The following CCDC137 variants were observed in gnomAD, a reference collection of about 807,000 sequenced individuals.
CCDC137 encodes coiled-coil domain-containing protein 137.
A neutral mutation model predicts 30.4 loss-of-function variants in CCDC137; 24 were observed. The ratio of observed to expected loss-of-function variants is 0.79; its 90% CI spans 0.57 to 1.11. CCDC137 has a LOEUF of 1.11. Among genes scored for constraint, CCDC137 ranks in the 50% least tolerant of loss-of-function variants. The probability of loss-of-function intolerance (pLI) is 0.00; values close to 1 mark genes in which losing one functional copy is unlikely to be tolerated. For missense variants in CCDC137, 417 were observed against 380.4 expected (o/e 1.10, Z -0.80); for synonymous variants, 182 against 155.7 (o/e 1.17, Z -1.26).
chr17:81,673,047 AGT>A lies in CCDC137; in HGVS notation c.*349_*350del. On this transcript the variant is annotated 3_prime_UTR_variant, in exon 6 of 6. Transcript: ENST00000329214. Reference sequence around the variant, plus strand: ...CCGAGACAGCTGATGAGGCTGGCTCAGTGTGTGACGGAGGCCCCCGGGAGTCA... The same window carrying A: ...CCGAGACAGCTGATGAGGCTGGCTCAGTGTGACGGAGGCCCCCGGGAGTCA... The A allele has an allele frequency of 2.8e-6, 1 of 355,288 alleles. No homozygotes were observed. Among genetic ancestry groups the A allele is most frequent in the South Asian group, 3.3e-5 (1 of 30,098 alleles). 22.0% of individuals were successfully genotyped at this position (355,288 alleles called of 1,614,324 possible).
rs779876133 is a variant in CCDC137, at chr17:81,666,752, C to T, written c.-15C>T. On this transcript the variant is annotated 5_prime_UTR_variant, in exon 1 of 6. Transcript: ENST00000329214. Reference sequence around the variant, plus strand: ...AGGCGGAAGTGGCTTCGCTAGGGAGCCTCCCGGCGTGGAGATGGCGGGAGC... The same window carrying T: ...AGGCGGAAGTGGCTTCGCTAGGGAGTCTCCCGGCGTGGAGATGGCGGGAGC... The T allele has an allele frequency of 6.9e-6, 10 of 1,454,092 alleles. No homozygotes were observed. Among genetic ancestry groups the T allele is most frequent in the Admixed American group, 2.6e-5 (1 of 38,258 alleles). The allele number at this position is 1,454,092 out of a possible 1,614,324, so 90.1% of individuals were successfully genotyped here.
At position 81,672,588 on chromosome 17, in the gene CCDC137, G is replaced by A. The variant is rs917355697; in HGVS notation, c.754G>A (p.Glu252Lys). ...TASLARQRIVEEERERAVQAY... is the reference protein window; with the variant it reads ...TASLARQRIVKEERERAVQAY... ...CTCCCTGGCCCGCCAGCGGATTGTG[G>A]AGGAGGAGAGAGAGCGGGCCGTGCA... The change falls in exon 6 of 6, where the codon GAG (glutamate) becomes AAG (lysine). Residue 252 changes from glutamate (E) to lysine (K), a missense_variant. By Grantham distance (56) the Glu-to-Lys change is moderately conservative. Transcript: ENST00000329214. The A allele has an allele frequency of 2.5e-6, 4 of 1,573,156 alleles. No homozygotes were observed. The highest frequency in any genetic ancestry group is 3.4e-6 in the Non-Finnish European group (4 of 1,165,594).
rs887267438 is a variant in CCDC137, at chr17:81,673,470, G to C, written c.*766G>C. On this transcript the variant is annotated 3_prime_UTR_variant, in exon 6 of 6. Transcript: ENST00000329214. The stretch of plus-strand genomic sequence containing the variant: ...CTGAGAGAGCCGGGAGGCCCAAAGT[G>C]GCTGGAAGAAGGTAAAGGAAAAATC... The C allele has an allele frequency of 2.6e-5, 4 of 152,244 alleles. No individual in the cohort carries two copies. In the East Asian group the frequency reaches 7.7e-4, roughly 29 times the overall value. 9.4% of individuals were successfully genotyped at this position (152,244 alleles called of 1,614,324 possible).
intron 5 of CCDC137, 124 bp downstream of exon 5, chr17:81,672,279 C>T (rs2036728377): frequency 3.7e-6 from 4 of 1,069,534 alleles, no homozygotes; most frequent in East Asian, 2.6e-5. Flanking sequence ...CCAAGGCAGG[C>T]GGATTGCTTG....
chr17:81,669,338 G>C (rs2036690148), intron 2 of CCDC137, among the ~76,000 whole-genome samples: 1 of 150,696 alleles, frequency 6.6e-6, no homozygotes, highest in Non-Finnish European at 1.5e-5. Context: ...TAAAGGCTGG[G>C]TTTTGCCATG....
rs1255500680 is a variant in CCDC137 at position 81,672,656 on chromosome 17, G to C, written c.822G>C (p.Gly274=). 2.5e-6 allele frequency: 4 copies of C among 1,601,460 alleles called. No individual in the cohort carries two copies. The highest frequency in any genetic ancestry group is 3.4e-6 in the Non-Finnish European group (4 of 1,174,970). ...ALKQRQQQLH[G]ERPHLTSRKK... ...AGCAGCGGCAGCAGCAGCTGCACGG[G>C]GAGCGACCCCACCTCACTTCCCGGA... The change falls in exon 6 of 6, where the codon GGG becomes GGC. Residue 274 remains glycine (G), a synonymous_variant. Coordinates refer to ENST00000329214, the MANE Select transcript of CCDC137 (RefSeq NM_199287.3).
chr17:81,670,361 T>C lies in CCDC137; in HGVS notation c.405T>C (p.His135=), dbSNP rs1159766117. The change falls in exon 3 of 6, where the codon CAT becomes CAC. Residue 135 remains histidine (H), a synonymous_variant. Transcript: ENST00000329214. The stretch of plus-strand genomic sequence containing the variant: ...ACCGCATGCAGCAAGAGGCCCAGCA[T>C]GTGCTGTTCCTCAGCAAGAACCAGG... ...YIHRMQQEAQ[H]VLFLSKNQAI... 5 of 1,613,802 alleles carry C rather than the reference T, an allele frequency of 3.1e-6. No individual in the cohort carries two copies. The highest frequency in any genetic ancestry group is 2.2e-5 in the East Asian group (1 of 44,892).
intron 5 of CCDC137, 38 bp downstream of exon 5, chr17:81,672,193 A>G (rs1308461830): frequency 6.3e-7 from 1 of 1,592,990 alleles, no homozygotes; most frequent in South Asian, 1.1e-5. Flanking sequence ...TTTGTCCCCC[A>G]GTGCTGCCAG....
Position 81,666,792 on chromosome 17 carries a change from C to A in CCDC137, c.26C>A (p.Ala9Glu), listed in dbSNP as rs374543963. Residue 9 changes from alanine to glutamate, a missense_variant, in exon 1 of 6, where the codon GCG (alanine) becomes GAG (glutamate). By Grantham distance (107) the Ala-to-Glu change is moderately radical. Transcript: ENST00000329214. The stretch of plus-strand genomic sequence containing the variant: ...ATGGCGGGAGCTGGTCGCGGAGCAG[C>A]GGTGTCCAGGGTGCAGGCGGGTCCT... MAGAGRGAAVSRVQAGPGS... is the reference protein window; with the variant it reads MAGAGRGAEVSRVQAGPGS... 17 of 1,467,826 alleles carry A rather than the reference C, an allele frequency of 1.2e-5. No homozygotes were observed. Among genetic ancestry groups the A allele is most frequent in the Admixed American group, 1.0e-4 (4 of 38,938 alleles). The allele number at this position is 1,467,826 out of a possible 1,614,324, so 90.9% of individuals were successfully genotyped here. A position where few individuals can be genotyped will look rare whatever the true frequency, so the allele number is the denominator to read the frequency against.
chr17:81,666,959 G>C, intron 1 of CCDC137, 59 bp downstream of exon 1: 5 of 1,239,876 alleles, frequency 4.0e-6, no homozygotes, highest in Non-Finnish European at 5.0e-6. Context: ...CGCCTTGAAG[G>C]CTCCGCCCGG....
intron 1 of CCDC137, 72 bp downstream of exon 1, chr17:81,666,972 C>T: frequency 1.6e-6 from 2 of 1,234,964 alleles, no homozygotes; most frequent in South Asian, 7.3e-5. Context: ...CCGCCCGGGA[C>T]CCCCTAGGGA....
chr17:81,668,395 G>T (rs1488731841), intron 2 of CCDC137, among the ~76,000 whole-genome samples: 2 of 152,172 alleles, frequency 1.3e-5, no homozygotes, highest in Admixed American at 6.5e-5. Context: ...CCAAGTCTGG[G>T]TAGGGTGTCC....
At chr17:81,671,697 T>C in intron 3 of CCDC137, 47 bp from the exon 4 acceptor site, 1 of 1,596,658 alleles carries the variant, frequency 6.3e-7, no homozygotes, top group Non-Finnish European at 8.6e-7. Flanking sequence ...CCTCCCTGGG[T>C]GGAAAGAGAA....
chr17:81,669,528 T>C (rs902457536), intron 2 of CCDC137, among the ~76,000 whole-genome samples: 2 of 152,192 alleles, frequency 1.3e-5, no homozygotes, highest in Non-Finnish European at 2.9e-5. Context: ...CCCGGGGTCC[T>C]GCGCTTGCGT....
At chr17:81,669,520 C>T (rs1251590912) in intron 2 of CCDC137, among the ~76,000 whole-genome samples, 9 of 152,178 alleles carry the variant, frequency 5.9e-5, no homozygotes, top group Non-Finnish European at 1.3e-4. Context: ...TACACTCGCC[C>T]GGGGTCCTGC....
intron 1 of CCDC137, among the ~76,000 whole-genome samples, chr17:81,667,472 C>A (rs929048108): frequency 1.3e-5 from 2 of 151,960 alleles, no homozygotes; most frequent in Non-Finnish European, 2.9e-5. Flanking sequence ...GGACTACAGG[C>A]GCCCGCCACC....
chr17:81,666,841 G>T lies in CCDC137; in HGVS notation c.75G>T (p.Gly25=). ...CTGGGAGTCCCCGGCGAGCGCGGGG[G>T]CGGCAGCAAGTGCAGCCGCTGGGGA... is the stretch of plus-strand genomic sequence containing the variant. The part of the protein sequence containing the change: ...AGPGSPRRAR[G]RQQVQPLGKQ... Residue 25 remains glycine, a synonymous_variant, in exon 1 of 6, where the codon GGG becomes GGT. Transcript: ENST00000329214. 1 of 1,341,178 alleles carries T rather than the reference G, an allele frequency of 7.5e-7. No individual in the cohort carries two copies. 83.1% of individuals were successfully genotyped at this position (1,341,178 alleles called of 1,614,324 possible).
At position 81,672,519 on chromosome 17, in the gene CCDC137, C is replaced by A; in HGVS notation, c.685C>A (p.Arg229=). 6.4e-7 allele frequency: 1 copy of A among 1,562,874 alleles called. No individual in the cohort carries two copies. The highest frequency in any genetic ancestry group is 8.7e-7 in the Non-Finnish European group (1 of 1,153,496). ...DQPGRRSQML[R]MLLSPGGVSQ... ...GCCTGGCAGGAGATCGCAGATGCTG[C>A]GGATGCTTCTGAGCCCCGGTGGTGT... Residue 229 remains arginine, a synonymous_variant, in exon 6 of 6, where the codon CGG becomes AGG. Transcript: ENST00000329214.
chr17:81,670,674 G>A (rs1568201444), intron 3 of CCDC137, among the ~76,000 whole-genome samples: 1 of 152,204 alleles, frequency 6.6e-6, no homozygotes, highest in Admixed American at 6.5e-5. Flanking sequence ...GAACTCTGCG[G>A]AGACCTCGCT....
Sources: allele counts gnomAD v4.1 joint callset (sites outside exome capture counted in the v4.1 genomes callset), GRCh38; gene constraint gnomAD v4.1.1; transcripts MANE v1.5; gene names NCBI Gene and HGNC (gene_info 2026-07-23, HGNC 2026-07-21).